SLC38A4: variants seen among roughly 807,000 people sequenced by gnomAD.
SLC38A4 encodes sodium-coupled neutral amino acid transporter 4.
SLC38A4 carries 20 observed loss-of-function variants against 63.1 expected under a neutral mutation model. The ratio of observed to expected loss-of-function variants is 0.32; its 90% CI spans 0.22 to 0.46. The LOEUF (loss-of-function observed/expected upper bound fraction) is 0.46. SLC38A4 is among the 20% of genes least tolerant of loss of function. The pLI is 1.00. For synonymous variants in SLC38A4, 230 were observed against 225.5 expected (o/e 1.02, Z -0.18); for missense variants, 526 against 663.6 (o/e 0.79, Z 2.28).
chr12:46,778,148 A>T, intron 12 of SLC38A4, 141 bp downstream of exon 12: 1 of 728,810 alleles, frequency 1.4e-6, no homozygotes, highest in Non-Finnish European at 2.3e-6. Flanking sequence ...CTTTCTGATT[A>T]AAGCATGTTA....
At chr12:46,776,854 C>A in intron 13 of SLC38A4, 50 bp downstream of exon 13, 1 of 1,535,558 alleles carries the variant, frequency 6.5e-7, no homozygotes, top group Non-Finnish European at 9.0e-7. Context: ...AGGTCAAGGA[C>A]CAGCCTAACA....
At chr12:46,806,854 G>A (rs980299292) in intron 1 of SLC38A4, among the ~76,000 whole-genome samples, 2 of 151,814 alleles carry the variant, frequency 1.3e-5, no homozygotes, top group Non-Finnish European at 1.5e-5. Flanking sequence ...AAAATACAGT[G>A]ATTCAGATTA....
At chr12:46,829,757 G>T (rs1251726170), upstream of SLC38A4, among the ~76,000 whole-genome samples, 1 of 152,142 alleles carries the variant, frequency 6.6e-6, no homozygotes, top group Non-Finnish European at 1.5e-5. Flanking sequence ...TCAGCCCCAG[G>T]TCCTTAGAAG....
chr12:46,778,764 T>G lies in SLC38A4; in HGVS notation c.730A>C (p.Lys244Gln). ...VFFVSVVIYK[K>Q]FQIPCPLPVL... is the part of the protein sequence containing the mutation. ...GGTAGAGGGCAGGGTATTTGGAATT[T>G]CTTGTAAATCACCTAGACTCAGTCA... The change falls in exon 11 of 17, where the codon AAA (lysine) becomes CAA (glutamine). Residue 244 changes from lysine to glutamine, a missense_variant. Coordinates refer to ENST00000266579, the MANE Select transcript of SLC38A4 (RefSeq NM_018018.5). The G allele has an allele frequency of 6.2e-7, 1 of 1,611,914 alleles. No individual in the cohort carries two copies. The highest frequency in any genetic ancestry group is 1.1e-5 in the South Asian group (1 of 90,956).
At chr12:46,774,764 T>G (rs1458707633) in intron 14 of SLC38A4, among the ~76,000 whole-genome samples, 1 of 152,046 alleles carries the variant, frequency 6.6e-6, no homozygotes, top group East Asian at 1.9e-4. Context: ...CTACTCAGTT[T>G]TACTAATCCA....
intron 2 of SLC38A4, among the ~76,000 whole-genome samples, chr12:46,801,699 G>A (rs1020632200): frequency 6.6e-6 from 1 of 152,000 alleles, no homozygotes; most frequent in African/African-American, 2.4e-5. Flanking sequence ...CTGTACCATA[G>A]ATAAATGAAT....
intron 2 of SLC38A4, among the ~76,000 whole-genome samples, chr12:46,793,477 G>A (rs180438): frequency 0.62 from 94,418 of 151,988 alleles, 33,919 homozygotes; most frequent in Non-Finnish European, 0.8. Flanking sequence ...GAAATCTTAA[G>A]ACATGGCAGC....
intron 16 of SLC38A4, among the ~76,000 whole-genome samples, 157 bp downstream of exon 16, chr12:46,768,153 A>G (rs1938336150): frequency 2.0e-5 from 3 of 152,220 alleles, no homozygotes; most frequent in East Asian, 3.9e-4. Context: ...AGTTTCAGAA[A>G]TATGTCCCCT....
chr12:46,829,445 TAAAA>T (rs5798002), upstream of SLC38A4, among the ~76,000 whole-genome samples: 116 of 148,310 alleles, frequency 7.8e-4, 1 homozygote, highest in African/African-American at 1.6e-3. Flanking sequence ...ATGTAAAAAG[TAAAA>T]AAAAAAAAAA....
chr12:46,820,920 A>T (rs1164994245), intron 1 of SLC38A4, among the ~76,000 whole-genome samples: 1 of 152,034 alleles, frequency 6.6e-6, no homozygotes, highest in Non-Finnish European at 1.5e-5. Context: ...GCATGTCCTG[A>T]TGATTACTGA....
chr12:46,774,163 T>C (rs954803906), intron 14 of SLC38A4, among the ~76,000 whole-genome samples: 4 of 152,056 alleles, frequency 2.6e-5, no homozygotes, highest in African/African-American at 9.7e-5. Flanking sequence ...AAAAGGAATG[T>C]GCCAAAATAT....
rs1206538542 is a variant in SLC38A4 at position 46,778,695 on chromosome 12, G to A, written c.799C>T (p.Leu267Phe). The stretch of plus-strand genomic sequence containing the variant: ...GGTAACATTACCACATGCATTGGAA[G>A]CGTGTTGTTGAATGACAGATTTCCA... ...SVGNLSFNNT[L>F]PMHVVMLPNN... Residue 267 changes from leucine to phenylalanine, a missense_variant, in exon 11 of 17, where the codon CTT becomes TTT. Transcript: ENST00000266579. 1 of 1,612,870 alleles carries A rather than the reference G, an allele frequency of 6.2e-7. No individual in the cohort carries two copies. Among genetic ancestry groups the A allele is most frequent in the African/African-American group, 1.3e-5 (1 of 74,914 alleles).
At chr12:46,812,520 C>T (rs1939360357) in intron 1 of SLC38A4, among the ~76,000 whole-genome samples, 1 of 152,042 alleles carries the variant, frequency 6.6e-6, no homozygotes, top group African/African-American at 2.4e-5. Context: ...CCATAAATTA[C>T]TAGCTGTGCT....
chr12:46,783,998 A>G (rs1376669739), intron 7 of SLC38A4, among the ~76,000 whole-genome samples: 1 of 152,038 alleles, frequency 6.6e-6, no homozygotes, highest in East Asian at 1.9e-4. Context: ...AGTGGGAATT[A>G]TAAGAATCCA....
upstream of SLC38A4, among the ~76,000 whole-genome samples, chr12:46,827,151 A>G (rs972845208): frequency 1.3e-5 from 2 of 152,204 alleles, no homozygotes; most frequent in Non-Finnish European, 2.9e-5. Flanking sequence ...AGAAATAATC[A>G]TATACAGGGA....
Position 46,788,029 on chromosome 12 carries a change from A to G in SLC38A4, c.213T>C (p.His71=). ...KKLADYADEH[H]PGTTSFGMSS... The stretch of plus-strand genomic sequence containing the variant: ...ACATTCCAAAGGAAGTGGTTCCGGG[A>G]TGCTTGAAAAAGAAGGGATGTATTA... The change falls in exon 5 of 17, where the codon CAT becomes CAC. Residue 71 remains histidine (H), a splice_region_variant and synonymous_variant. Coordinates refer to ENST00000266579, the MANE Select transcript of SLC38A4 (RefSeq NM_018018.5). 3 of 1,611,988 alleles carry G rather than the reference A, an allele frequency of 1.9e-6. No homozygotes were observed. Among genetic ancestry groups the G allele is most frequent in the South Asian group, 2.2e-5 (2 of 91,028 alleles).
At position 46,790,769 on chromosome 12, in the gene SLC38A4, A is replaced by G. The variant is rs530146984; in HGVS notation, c.120-2151T>C. On this transcript the variant is annotated intron_variant, in intron 3 of 16. Coordinates refer to ENST00000266579, the MANE Select transcript of SLC38A4 (RefSeq NM_018018.5). The stretch of plus-strand genomic sequence containing the variant: ...TATAAAATAGATGAGAAATGTCCCC[A>G]GTATGTTAAATGTTTTGATACCAAA... Among the ~76,000 whole-genome samples the G allele has an allele frequency of 3.3e-5, 5 of 152,300 alleles. No homozygotes were observed. The South Asian group carries it at 1.0e-3, about 32-fold the overall frequency.
chr12:46,822,196 C>T (rs1388806526), intron 1 of SLC38A4, among the ~76,000 whole-genome samples: 1 of 152,102 alleles, frequency 6.6e-6, no homozygotes. Flanking sequence ...TTTTGACACA[C>T]ACGTACACAT....
Position 46,770,286 on chromosome 12 carries a change from C to CATTTTAAAATAAAATTTTAAAATGGT in SLC38A4, c.1300-884_1300-859dup, listed in dbSNP as rs528234737. ...TTCCTTAATTTTGCATGGTATTTAA[C>CATTTTAAAATAAAATTTTAAAATGGT]ATTTTAAAATAAAATTTTAAAATGG... On this transcript the variant is annotated intron_variant, in intron 14 of 16. Coordinates refer to ENST00000266579, the MANE Select transcript of SLC38A4 (RefSeq NM_018018.5). Among the ~76,000 whole-genome samples the CATTTTAAAATAAAATTTTAAAATGGT allele has an allele frequency of 6.4e-4, 98 of 151,992 alleles. 1 individual carries two copies. Among genetic ancestry groups the CATTTTAAAATAAAATTTTAAAATGGT allele is most frequent in the African/African-American group, 1.6e-3 (66 of 41,480 alleles).
Sources: allele counts gnomAD v4.1 joint callset (sites outside exome capture counted in the v4.1 genomes callset), GRCh38; gene constraint gnomAD v4.1.1; transcripts MANE v1.5; gene names NCBI Gene and HGNC (gene_info 2026-07-23, HGNC 2026-07-21).